The following CHAF1A variants were observed in gnomAD, a reference collection of about 807,000 sequenced individuals.
The protein encoded by CHAF1A is CAF-1 subunit A.
Under a neutral mutation model 93.2 loss-of-function variants are expected in CHAF1A, and 5 were observed. That is an observed-to-expected ratio of 0.05 (90% CI 0.03 to 0.11). CHAF1A has a LOEUF of 0.11. Among genes scored for constraint, CHAF1A ranks in the 10% least tolerant of loss-of-function variants. CHAF1A has a pLI of 1.00. For synonymous variants in CHAF1A, 504 were observed against 510.3 expected, an observed-to-expected ratio of 0.99 and a Z score of 0.17; for missense variants, 1,102 against 1,259.9, an observed-to-expected ratio of 0.87 and a Z score of 1.90.
At position 4,418,070 on chromosome 19, in the gene CHAF1A, G is replaced by A; in HGVS notation, c.1011G>A (p.Leu337=). 6.3e-7 allele frequency: 1 copy of A among 1,599,604 alleles called. No individual in the cohort carries two copies. Among genetic ancestry groups the A allele is most frequent in the South Asian group, 1.1e-5 (1 of 88,218 alleles). ...CTACAGAGAAGAACAAGCTCAGACT[G>A]CAAAGAGTAAGACATTTTCCCTGAA... ...KGSTEKNKLR[L]QRDQERLGKQ... The change falls in exon 4 of 15, where the codon CTG becomes CTA. Residue 337 remains leucine, a synonymous_variant. Coordinates refer to ENST00000301280, the MANE Select transcript of CHAF1A (RefSeq NM_005483.3).
chr19:4,403,380 G>C (rs1973622156), intron 1 of CHAF1A, among the ~76,000 whole-genome samples: 2 of 152,190 alleles, frequency 1.3e-5, no homozygotes. Context: ...GGGGTCTTTG[G>C]AGCCCACCAC....
At chr19:4,447,737 G>A, downstream of CHAF1A, 2 of 1,087,370 alleles carry the variant, frequency 1.8e-6, no homozygotes, top group East Asian at 2.4e-5. Context: ...TCTAGTCAGA[G>A]GGAAGAAGCG....
downstream of CHAF1A, chr19:4,445,596 A>T (rs1353801949): frequency 5.6e-6 from 9 of 1,613,578 alleles, no homozygotes; most frequent in Non-Finnish European, 7.6e-6. Context: ...GCCATGTCCC[A>T]CGAGAAGGTC....
downstream of CHAF1A, chr19:4,446,371 G>T (rs971762663): frequency 2.2e-5 from 34 of 1,575,542 alleles, no homozygotes; most frequent in African/African-American, 2.7e-5. Flanking sequence ...TCTCCCGCAT[G>T]GCCTTGGTCC....
downstream of CHAF1A, chr19:4,447,679 C>A: frequency 6.4e-7 from 1 of 1,569,650 alleles, no homozygotes; most frequent in South Asian, 1.1e-5. Flanking sequence ...CCACCCGGCC[C>A]CTCTGTGCCT....
At chr19:4,410,440 G>C (rs1024195990) in intron 3 of CHAF1A, among the ~76,000 whole-genome samples, 6 of 149,524 alleles carry the variant, frequency 4.0e-5, no homozygotes, top group South Asian at 4.2e-4. Flanking sequence ...GAGTTCAGTG[G>C]CGTGATCTCG....
rs187695537 is a variant in CHAF1A, at chr19:4,405,586, C to T, written c.53-326C>T. ...CTGTGCCATTGCACTCCAGCCTGGG[C>T]GACAGAGTGAGACTCTGTCTCCAAA... On this transcript the variant is annotated intron_variant, in intron 1 of 14. Transcript: ENST00000301280. Among the ~76,000 whole-genome samples, 86 of 147,830 alleles carry T rather than the reference C, an allele frequency of 5.8e-4. 2 individuals carry two copies. In the East Asian group the frequency reaches 0.012, roughly 20 times the overall value.
intron 2 of CHAF1A, among the ~76,000 whole-genome samples, chr19:4,408,203 T>C (rs1367225022): frequency 6.7e-6 from 1 of 150,368 alleles, no homozygotes; most frequent in African/African-American, 2.4e-5. Context: ...TTTTTTTTTT[T>C]TTTTTCTTTT....
intron 3 of CHAF1A, among the ~76,000 whole-genome samples, chr19:4,412,822 A>C (rs1186475894): frequency 6.6e-6 from 1 of 152,222 alleles, no homozygotes; most frequent in Non-Finnish European, 1.5e-5. Flanking sequence ...ACAAGTGGTA[A>C]AGGCTTCAGG....
intron 7 of CHAF1A, 134 bp downstream of exon 7, chr19:4,424,008 A>G (rs1474462552): frequency 5.4e-6 from 4 of 739,300 alleles, no homozygotes; most frequent in Non-Finnish European, 9.1e-6. Context: ...GGGCACTTCC[A>G]TTTCTGGTTA....
chr19:4,448,470 CTCCGCTGCCCAGGTAACAG>C, downstream of CHAF1A: 1 of 1,430,536 alleles, frequency 7.0e-7, no homozygotes, highest in East Asian at 2.4e-5. Flanking sequence ...CCGCACGGCC[CTCCGCTGCCCAGGTAACAG>C]GGGCAGGAAA....
In CHAF1A at chr19:4,440,446, T is replaced by TA. The variant is rs536946360; in HGVS notation, c.2674-1786dup. 5.5e-3 allele frequency among the ~76,000 whole-genome samples: 792 copies of TA among 143,584 alleles called. 1 individual carries two copies. Among genetic ancestry groups the TA allele is most frequent in the Middle Eastern group, 0.021 (6 of 284 alleles). 94.2% of individuals were successfully genotyped at this position (143,584 alleles called of 152,430 possible). On this transcript the variant is annotated intron_variant, in intron 13 of 14. Transcript: ENST00000301280. ...ATAGTGACACCCCCTTGTCTCTACT[T>TA]AAAAAAAAAAAAATTAGCTGGGCGT...
At position 4,405,955 on chromosome 19, in the gene CHAF1A, A is replaced by G; in HGVS notation, c.96A>G (p.Leu32=). Residue 32 remains leucine (L), a synonymous_variant, in exon 2 of 15, where the codon TTA becomes TTG. Transcript: ENST00000301280. ...GACCAGCTTTTCCAGTTAAGAAGTT[A>G]ATACAAGGTAATTATTTGGAAATGG... The part of the protein sequence containing the change: ...KDRPAFPVKK[L]IQARLPFKRL... 6.2e-7 allele frequency: 1 copy of G among 1,611,980 alleles called. No homozygotes were observed. Among genetic ancestry groups the G allele is most frequent in the Non-Finnish European group, 8.5e-7 (1 of 1,178,012 alleles).
intron 1 of CHAF1A, among the ~76,000 whole-genome samples, chr19:4,403,728 G>C (rs533826206): frequency 6.6e-6 from 1 of 152,394 alleles, no homozygotes; most frequent in East Asian, 1.9e-4. Flanking sequence ...CTATGGGGCA[G>C]ATTCCGCCTT....
Position 4,411,644 on chromosome 19 carries a change from C to CTTTTTTTTTTTTTTTTTTTTTTTTTTTT in CHAF1A, c.960+1906_960+1907insTTTTTTTTTTTTTTTTTTTTTTTTTTTT, listed in dbSNP as rs66491258. On this transcript the variant is annotated intron_variant, in intron 3 of 14. Transcript: ENST00000301280. ...GAAATGTTGTAAAAATGGTGCAAATCTTTTTTTTTTTTTTTTTTTTTGAGA... is the reference window on the plus strand; with the variant it reads ...GAAATGTTGTAAAAATGGTGCAAATCTTTTTTTTTTTTTTTTTTTTTTTTTTTTTTTTTTTTTTTTTTTTTTTTTGAGA... 2.9e-3 allele frequency among the ~76,000 whole-genome samples: 142 copies of CTTTTTTTTTTTTTTTTTTTTTTTTTTTT among 48,186 alleles called. 43 individuals carry two copies. Among genetic ancestry groups the CTTTTTTTTTTTTTTTTTTTTTTTTTTTT allele is most frequent in the Non-Finnish European group, 4.1e-3 (101 of 24,606 alleles). 31.6% of individuals were successfully genotyped at this position (48,186 alleles called of 152,430 possible).
At chr19:4,429,082 C>T in intron 8 of CHAF1A, 192 bp downstream of exon 8, 1 of 601,492 alleles carries the variant, frequency 1.7e-6, no homozygotes, top group Non-Finnish European at 2.9e-6. Context: ...AAGTCTTCCT[C>T]TCCCTGTCTT....
rs1320799529 is a variant in CHAF1A, at chr19:4,409,681, C to T, written c.882C>T (p.Ser294=). ...HSSLSSPSST[S]SPEGPPAPPK... ...CCCTGAGCTCTCCCTCTTCCACCAG[C>T]TCGCCCGAGGGGCCGCCTGCTCCCC... Residue 294 remains serine (S), a synonymous_variant, in exon 3 of 15, where the codon AGC becomes AGT. Transcript: ENST00000301280. 2.5e-6 allele frequency: 4 copies of T among 1,614,200 alleles called. No homozygotes were observed. Among genetic ancestry groups the T allele is most frequent in the Non-Finnish European group, 2.5e-6 (3 of 1,180,032 alleles).
At chr19:4,417,102 G>T (rs1414174244) in intron 3 of CHAF1A, among the ~76,000 whole-genome samples, 1 of 152,082 alleles carries the variant, frequency 6.6e-6, no homozygotes, top group Non-Finnish European at 1.5e-5. Context: ...CTCCTGGGTA[G>T]CTAGGACTAC....
chr19:4,441,273 C>T (rs2145153828), intron 13 of CHAF1A, among the ~76,000 whole-genome samples: 1 of 151,940 alleles, frequency 6.6e-6, no homozygotes, highest in African/African-American at 2.4e-5. Flanking sequence ...GCCAAGATCG[C>T]ACCACTGCAC....
Sources: gnomAD v4.1 joint callset for allele counts (sites outside exome capture counted in the v4.1 genomes callset) on GRCh38, gnomAD v4.1.1 for gene constraint, MANE v1.5 for transcripts, NCBI Gene and HGNC (gene_info 2026-07-23, HGNC 2026-07-21) for gene names.